GABRD: variants seen among roughly 807,000 people sequenced by gnomAD.
GABRD encodes the protein gamma-aminobutyric acid receptor subunit delta.
In GABRD, 25 loss-of-function variants were observed where a neutral mutation model predicts 47.3. The observed-to-expected ratio is 0.53, with a 90% confidence interval of 0.39 to 0.74. GABRD has a LOEUF of 0.74. GABRD is among the 30% of genes least tolerant of loss of function. The probability of loss-of-function intolerance (pLI) is 0.00; values close to 1 mark genes in which losing one functional copy is unlikely to be tolerated. For synonymous variants in GABRD, 314 were observed against 278.8 expected, an observed-to-expected ratio of 1.13 and a Z score of -1.26; for missense variants, 497 against 643.4, an observed-to-expected ratio of 0.77 and a Z score of 2.46.
In GABRD at chr1:2,030,217, C is replaced by T. The variant is rs1002172902; in HGVS notation, c.1294C>T (p.Arg432Cys). 3.2e-6 allele frequency: 5 copies of T among 1,567,980 alleles called. No individual in the cohort carries two copies. Among genetic ancestry groups the T allele is most frequent in the Non-Finnish European group, 4.3e-6 (5 of 1,154,060 alleles). ...CGCAGACACCATTGACATTTACGCC[C>T]GCGCTGTGTTCCCTGCGGCGTTTGC... ...IDADTIDIYA[R>C]AVFPAAFAAV... The change falls in exon 9 of 9, where the codon CGC becomes TGC. Residue 432 changes from arginine to cysteine, a missense_variant. Physicochemically the swap from Arg to Cys is radical, Grantham distance 180. Around this residue, in one of 3 missense-constraint regions of GABRD, gnomAD observed 121 missense variants for 121.3 expected, o/e 1.00. Coordinates refer to ENST00000378585, the MANE Select transcript of GABRD (RefSeq NM_000815.5).
chr1:2,019,529 C>A, intron 1 of GABRD, 38 bp downstream of exon 1: 2 of 1,064,446 alleles, frequency 1.9e-6, no homozygotes, highest in Non-Finnish European at 2.3e-6. Flanking sequence ...GGGTCGGGGG[C>A]GGTGGGGGGC....
intron 1 of GABRD, chr1:2,023,476 A>T (rs979346241): frequency 2.0e-5 from 3 of 152,118 alleles, no homozygotes; most frequent in African/African-American, 7.3e-5. Context: ...AGGGGCAGTC[A>T]GTTGCGTCCT....
intron 4 of GABRD, 74 bp from the exon 5 acceptor site, chr1:2,027,503 T>C (rs1355782451): frequency 1.6e-6 from 2 of 1,241,764 alleles, no homozygotes; most frequent in Non-Finnish European, 2.3e-6. Flanking sequence ...GGGGCATCTC[T>C]GCAGGGGAAC....
In GABRD at chr1:2,028,171, G is replaced by A; in HGVS notation, c.570G>A (p.Glu190=). The stretch of plus-strand genomic sequence containing the variant: ...TTCCTCCAGACGGTTACTCATCGGA[G>A]GACATCGTCTACTACTGGTCGGAGA... ...LDLESYGYSS[E]DIVYYWSESQ... The change falls in exon 6 of 9, where the codon GAG becomes GAA. Residue 190 remains glutamate (E), a synonymous_variant. Transcript: ENST00000378585. The surrounding 1 kb of genome is among the most constrained non-coding windows in gnomAD (Gnocchi z 6.4). 6.2e-7 allele frequency: 1 copy of A among 1,611,694 alleles called. No individual in the cohort carries two copies. Among genetic ancestry groups the A allele is most frequent in the Non-Finnish European group, 8.5e-7 (1 of 1,179,186 alleles).
chr1:2,029,060 T>TTGGGC (rs1426516429), intron 6 of GABRD, 51 bp from the exon 7 acceptor site: 7 of 1,534,132 alleles, frequency 4.6e-6, no homozygotes, highest in Admixed American at 3.9e-5. Flanking sequence ...AGTCCCATGG[T>TTGGGC]TGGGCTGGGC....
In GABRD at chr1:2,025,754, A is replaced by G; in HGVS notation, c.470+16A>G. On this transcript the variant is annotated intron_variant, in intron 4 of 8. Coordinates refer to ENST00000378585, the MANE Select transcript of GABRD (RefSeq NM_000815.5). ...ACAGCATCCGGTGAGCGGGCTGCCC[A>G]CCCGGACTCCGGGGGAGAGCCTGCC... is the stretch of plus-strand genomic sequence containing the variant. 1 of 1,605,700 alleles carries G rather than the reference A, an allele frequency of 6.2e-7. No homozygotes were observed. Among genetic ancestry groups the G allele is most frequent in the Non-Finnish European group, 8.5e-7 (1 of 1,174,460 alleles).
Position 2,028,980 on chromosome 1 carries a change from G to A in GABRD, c.692-131G>A. The A allele has an allele frequency of 8.7e-7, 1 of 1,144,518 alleles. No individual in the cohort carries two copies. The highest frequency in any genetic ancestry group is 2.6e-5 in the East Asian group (1 of 38,912). The allele number at this position is 1,144,518 out of a possible 1,614,324, so 70.9% of individuals were successfully genotyped here. On this transcript the variant is annotated intron_variant, in intron 6 of 8. Transcript: ENST00000378585. The surrounding 1 kb of genome is among the most constrained non-coding windows in gnomAD (Gnocchi z 6.4). Reference sequence around the variant, plus strand: ...CATTTCAGGCCATGTGGTTGGTGGGGAGGGCAGGGGTCTAAGTCTCTCTTC... The same window carrying A: ...CATTTCAGGCCATGTGGTTGGTGGGAAGGGCAGGGGTCTAAGTCTCTCTTC...
rs1477974376 is a variant in GABRD, at chr1:2,026,428, G to T, written c.470+690G>T. 3.3e-5 allele frequency: 5 copies of T among 152,366 alleles called. 1 individual carries two copies. The highest frequency in any genetic ancestry group is 7.3e-5 in the Non-Finnish European group (5 of 68,138). The allele number at this position is 152,366 out of a possible 1,614,324, so 9.4% of individuals were successfully genotyped here. ...CCGAGGGGCGCTTGGGTGGCTTCCG[G>T]CGTTGGCGAATGTGAAAACACTGCT... On this transcript the variant is annotated intron_variant, in intron 4 of 8. Coordinates refer to ENST00000378585, the MANE Select transcript of GABRD (RefSeq NM_000815.5).
At position 2,019,436 on chromosome 1, in the gene GABRD, G is replaced by T; in HGVS notation, c.13G>T (p.Ala5Ser). The change falls in exon 1 of 9, where the codon GCC becomes TCC. Residue 5 changes from alanine (A) to serine (S), a missense_variant. This residue lies in a region of GABRD where 91 missense variants were observed against 85.5 expected (regional missense o/e 1.06). Coordinates refer to ENST00000378585, the MANE Select transcript of GABRD (RefSeq NM_000815.5). MDAP[A>S]RLLAPLLLLC... ...GCCCGCCGCGGCCATGGACGCGCCC[G>T]CCCGGCTGCTGGCCCCGCTCCTGCT... 9.1e-7 allele frequency: 1 copy of T among 1,097,318 alleles called. No individual in the cohort carries two copies. The highest frequency in any genetic ancestry group is 1.1e-6 in the Non-Finnish European group (1 of 903,864). The allele number at this position is 1,097,318 out of a possible 1,614,324, so 68.0% of individuals were successfully genotyped here. A position where few individuals can be genotyped will look rare whatever the true frequency, so the allele number is the denominator to read the frequency against.
At position 2,028,392 on chromosome 1, in the gene GABRD, C is replaced by CCACCGCCCCTTCCG. The variant is rs2102151455; in HGVS notation, c.691+101_691+102insACCGCCCCTTCCGC. ...CGCCCACCGCCCCTTCCGCGTGCGC[C>CCACCGCCCCTTCCG]CGCCTGTGGTTTTCATGCTTTTTAG... On this transcript the variant is annotated intron_variant, in intron 6 of 8. Transcript: ENST00000378585. This position sits in a 1 kb window ranked among gnomAD's most constrained non-coding sequence, Gnocchi z 6.4. The CCACCGCCCCTTCCG allele has an allele frequency of 4.8e-6, 6 of 1,250,562 alleles. No homozygotes were observed. The highest frequency in any genetic ancestry group is 4.1e-6 in the Non-Finnish European group (4 of 975,220). The allele number at this position is 1,250,562 out of a possible 1,614,324, so 77.5% of individuals were successfully genotyped here. A position where few individuals can be genotyped will look rare whatever the true frequency, so the allele number is the denominator to read the frequency against.
chr1:2,019,993 G>A (rs970866962), intron 1 of GABRD, among the ~76,000 whole-genome samples: 11 of 152,244 alleles, frequency 7.2e-5, no homozygotes, highest in African/African-American at 2.7e-4. Context: ...GCTGTGGAGG[G>A]TGGGCCCGGC....
At position 2,030,095 on chromosome 1, in the gene GABRD, A is replaced by G; in HGVS notation, c.1172A>G (p.Tyr391Cys). 2 of 1,600,850 alleles carry G rather than the reference A, an allele frequency of 1.2e-6. No individual in the cohort carries two copies. The highest frequency in any genetic ancestry group is 1.7e-6 in the Non-Finnish European group (2 of 1,173,532). The part of the protein sequence containing the change: ...RRVPGNLMGS[Y>C]RSVGVETGET... Reference sequence around the variant, plus strand: ...GTCCCGGGGAACCTGATGGGCTCCTACAGGTCGGTGGGGGTGGAGACAGGG... The same window carrying G: ...GTCCCGGGGAACCTGATGGGCTCCTGCAGGTCGGTGGGGGTGGAGACAGGG... Residue 391 changes from tyrosine to cysteine, a missense_variant, in exon 9 of 9, where the codon TAC becomes TGC. This residue lies in a region of GABRD where 121 missense variants were observed against 121.3 expected (regional missense o/e 1.00). Coordinates refer to ENST00000378585, the MANE Select transcript of GABRD (RefSeq NM_000815.5).
At chr1:2,019,834 C>T (rs1658727960) in intron 1 of GABRD, among the ~76,000 whole-genome samples, 1 of 152,174 alleles carries the variant, frequency 6.6e-6, no homozygotes. Context: ...GCGGCACTCG[C>T]GGGTCCCTGC....
chr1:2,019,481 C>T lies in GABRD; in HGVS notation c.58C>T (p.Arg20Cys). ...PLLLLCAQQL[R>C]GTRAMNDIGD... is the part of the protein sequence containing the mutation. ...CCTGCTCCTCTGCGCGCAGCAGCTC[C>T]GCGGCACCAGGTGAGCGGGCGGGGT... is the stretch of plus-strand genomic sequence containing the variant. Residue 20 changes from arginine to cysteine, a missense_variant, in exon 1 of 9, where the codon CGC (arginine) becomes TGC (cysteine). By Grantham distance (180) the Arg-to-Cys change is radical (BLOSUM62 -3). Around this residue, in one of 3 missense-constraint regions of GABRD, gnomAD observed 91 missense variants for 85.5 expected, o/e 1.06. Transcript: ENST00000378585. 3.6e-6 allele frequency: 4 copies of T among 1,098,446 alleles called. No individual in the cohort carries two copies. Among genetic ancestry groups the T allele is most frequent in the East Asian group, 5.4e-5 (1 of 18,558 alleles). 68.0% of individuals were successfully genotyped at this position (1,098,446 alleles called of 1,614,324 possible). A position where few individuals can be genotyped will look rare whatever the true frequency, so the allele number is the denominator to read the frequency against.
At position 2,019,359 on chromosome 1, in the gene GABRD, T is replaced by G; in HGVS notation, c.-65T>G. On this transcript the variant is annotated 5_prime_UTR_variant, in exon 1 of 9. Transcript: ENST00000378585. ...CGCGCTCGCTCAGCTCCCGCCCGCCTGTGCCGCCTGTGCGGCCGCCGGGAG... is the reference window on the plus strand; with the variant it reads ...CGCGCTCGCTCAGCTCCCGCCCGCCGGTGCCGCCTGTGCGGCCGCCGGGAG... 1 of 883,566 alleles carries G rather than the reference T, an allele frequency of 1.1e-6. No homozygotes were observed. Among genetic ancestry groups the G allele is most frequent in the Admixed American group, 6.5e-5 (1 of 15,488 alleles). 54.7% of individuals were successfully genotyped at this position (883,566 alleles called of 1,614,324 possible). A position where few individuals can be genotyped will look rare whatever the true frequency, so the allele number is the denominator to read the frequency against.
chr1:2,029,451 G>T, intron 7 of GABRD, 100 bp from the exon 8 acceptor site: 4 of 1,509,170 alleles, frequency 2.7e-6, no homozygotes, highest in South Asian at 1.2e-5. Flanking sequence ...GCATGGGGGT[G>T]GGGGGCAGCG....
At chr1:2,020,045 C>A (rs1658733916) in intron 1 of GABRD, among the ~76,000 whole-genome samples, 1 of 152,230 alleles carries the variant, frequency 6.6e-6, no homozygotes, top group Non-Finnish European at 1.5e-5. Flanking sequence ...ATGGCGTGGG[C>A]AGAACTCCTG....
At chr1:2,026,366 C>A (rs1045499658) in intron 4 of GABRD, among the ~76,000 whole-genome samples, 1 of 152,354 alleles carries the variant, frequency 6.6e-6, no homozygotes, top group South Asian at 2.1e-4. Context: ...CGATGGCCCA[C>A]GGCAGGGGCG....
intron 1 of GABRD, among the ~76,000 whole-genome samples, chr1:2,021,456 C>T (rs541166083): frequency 1.3e-5 from 2 of 152,332 alleles, no homozygotes; most frequent in African/African-American, 2.4e-5. Context: ...CCCTCAGTCT[C>T]GGGGTCCTTG....
Sources: allele counts gnomAD v4.1 joint callset (sites outside exome capture counted in the v4.1 genomes callset), GRCh38; gene constraint gnomAD v4.1.1; regional missense constraint gnomAD v4.1.1; non-coding constraint Gnocchi (gnomAD v3.1); transcripts MANE v1.5; gene names NCBI Gene and HGNC (gene_info 2026-07-23, HGNC 2026-07-21).